Variants in KCNMB2 observed in about 807,000 individuals in gnomAD.
The protein encoded by KCNMB2 is potassium calcium-activated channel subfamily M regulatory beta subunit 2, also known as calcium-activated potassium channel subunit beta-2.
KCNMB2 carries 9 observed loss-of-function variants against 24.5 expected under a neutral mutation model. That is an observed-to-expected ratio of 0.37 (90% CI 0.22 to 0.64). KCNMB2 has a LOEUF of 0.64. Ranked by LOEUF, KCNMB2 falls within the 30% of genes least tolerant of loss-of-function variation. KCNMB2 has a pLI of 0.63. For synonymous variants in KCNMB2, 109 were observed against 104.4 expected (o/e 1.04, Z -0.27); for missense variants, 226 against 284.3 (o/e 0.79, Z 1.47).
intron 1 of KCNMB2, among the ~76,000 whole-genome samples, chr3:178,687,689 G>A (rs951149950): frequency 6.6e-6 from 1 of 152,030 alleles, no homozygotes; most frequent in African/African-American, 2.4e-5. Context: ...TGCTGCTTTT[G>A]TTCATGAGCA....
At chr3:178,812,753 A>G (rs1289538436) in intron 2 of KCNMB2, among the ~76,000 whole-genome samples, 1 of 152,090 alleles carries the variant, frequency 6.6e-6, no homozygotes, top group Non-Finnish European at 1.5e-5. Context: ...ACATTTCCAT[A>G]TATACATGGA....
At chr3:178,672,835 T>G (rs1365618170) in intron 1 of KCNMB2, among the ~76,000 whole-genome samples, 1 of 152,140 alleles carries the variant, frequency 6.6e-6, no homozygotes, top group African/African-American at 2.4e-5. Flanking sequence ...AGTGATATTG[T>G]CCATCTTCCT....
At chr3:178,808,390 C>T (rs997085505) in intron 2 of KCNMB2, among the ~76,000 whole-genome samples, 4 of 151,990 alleles carry the variant, frequency 2.6e-5, no homozygotes, top group Non-Finnish European at 5.9e-5. Context: ...TGATAGAAGT[C>T]AGGATTGATT....
intron 1 of KCNMB2, among the ~76,000 whole-genome samples, chr3:178,794,980 A>G (rs750707946): frequency 2.4e-4 from 36 of 152,172 alleles, no homozygotes; most frequent in Non-Finnish European, 4.4e-4. Flanking sequence ...AACAGTTGCA[A>G]AAATGACAAG....
chr3:178,751,159 T>C (rs1051835173), intron 1 of KCNMB2, among the ~76,000 whole-genome samples: 11 of 152,222 alleles, frequency 7.2e-5, no homozygotes, highest in African/African-American at 1.7e-4. Flanking sequence ...ATTGATGTTA[T>C]GTTTCAGGCA....
intron 1 of KCNMB2, among the ~76,000 whole-genome samples, chr3:178,611,788 C>T (rs1718493963): frequency 6.6e-6 from 1 of 152,054 alleles, no homozygotes; most frequent in African/African-American, 2.4e-5. Context: ...TATTTTTATA[C>T]TAATTATGGG....
intron 1 of KCNMB2, among the ~76,000 whole-genome samples, chr3:178,601,887 A>C: frequency 6.6e-6 from 1 of 152,206 alleles, no homozygotes; most frequent in East Asian, 1.9e-4. Flanking sequence ...TTATGCAAAT[A>C]CCTGGCCAGG....
intron 1 of KCNMB2, among the ~76,000 whole-genome samples, chr3:178,635,100 G>C (rs1719470115): frequency 6.6e-6 from 1 of 152,114 alleles, no homozygotes; most frequent in African/African-American, 2.4e-5. Flanking sequence ...CCGCAGACAA[G>C]GTAGTGCTTC....
chr3:178,717,750 T>G (rs1004599687), intron 1 of KCNMB2, among the ~76,000 whole-genome samples: 1 of 152,192 alleles, frequency 6.6e-6, no homozygotes, highest in African/African-American at 2.4e-5. Context: ...GGCACTCTAC[T>G]AGAGTAGTCT....
chr3:178,757,314 A>ATTCT (rs1560004886), intron 1 of KCNMB2, among the ~76,000 whole-genome samples: 1 of 115,918 alleles, frequency 8.6e-6, no homozygotes, highest in African/African-American at 3.3e-5. Context: ...ATATCCATCC[A>ATTCT]AGAGGACATA....
intron 1 of KCNMB2, among the ~76,000 whole-genome samples, chr3:178,782,820 CT>C (rs1254705556): frequency 2.5e-4 from 38 of 151,420 alleles, no homozygotes; most frequent in Non-Finnish European, 4.6e-4. Flanking sequence ...TCAATTTTGG[CT>C]TTTGTTGCCA....
At chr3:178,824,083 C>A (rs1248459310) in intron 2 of KCNMB2, among the ~76,000 whole-genome samples, 1 of 152,138 alleles carries the variant, frequency 6.6e-6, no homozygotes, top group Non-Finnish European at 1.5e-5. Context: ...TGGTCACAGG[C>A]CTTGCAGGAA....
chr3:178,633,601 C>CACCTGT (rs903046536), intron 1 of KCNMB2, among the ~76,000 whole-genome samples: 7 of 152,278 alleles, frequency 4.6e-5, no homozygotes, highest in African/African-American at 1.7e-4. Context: ...GGTGGGTGGG[C>CACCTGT]ACCTGTACCT....
intron 1 of KCNMB2, among the ~76,000 whole-genome samples, chr3:178,760,434 GAT>G (rs1375105623): frequency 3.8e-5 from 5 of 132,450 alleles, no homozygotes; most frequent in African/African-American, 5.8e-5. Context: ...CCATATCCAA[GAT>G]ATATATATTA....
Position 178,655,610 on chromosome 3 carries a change from C to T in KCNMB2, c.-68+118899C>T, listed in dbSNP as rs78154308. Among the ~76,000 whole-genome samples, 1,218 of 152,224 alleles carry T rather than the reference C, an allele frequency of 8.0e-3. 17 individuals carry two copies. The highest frequency in any genetic ancestry group is 0.02 in the Middle Eastern group (6 of 294). On this transcript the variant is annotated intron_variant, in intron 1 of 4. Transcript: ENST00000452583. ...ATTCTCCAAAAACGACAAAACAAAA[C>T]GGAGAGAAAATGCAAGGAAAGAGTT...
intron 1 of KCNMB2, among the ~76,000 whole-genome samples, chr3:178,703,008 T>C (rs1722154917): frequency 1.3e-5 from 2 of 152,124 alleles, no homozygotes; most frequent in East Asian, 1.9e-4. Context: ...GGATGAAGAT[T>C]AGTTATGTAG....
intron 1 of KCNMB2, among the ~76,000 whole-genome samples, chr3:178,557,389 G>C (rs1716161536): frequency 6.6e-6 from 1 of 152,164 alleles, no homozygotes; most frequent in African/African-American, 2.4e-5. Flanking sequence ...GAAACATTTA[G>C]AAAGACTTTG....
At chr3:178,651,734 T>C (rs1342995962) in intron 1 of KCNMB2, among the ~76,000 whole-genome samples, 1 of 151,986 alleles carries the variant, frequency 6.6e-6, no homozygotes, top group Non-Finnish European at 1.5e-5. Flanking sequence ...AATAGAACAA[T>C]GGAAAAGAAC....
intron 4 of KCNMB2, among the ~76,000 whole-genome samples, chr3:178,841,780 G>A (rs1715437658): frequency 6.6e-6 from 1 of 152,088 alleles, no homozygotes; most frequent in Non-Finnish European, 1.5e-5. Flanking sequence ...CTGATACATG[G>A]TATTACAATT....
Sources: gnomAD v4.1 joint callset for allele counts (sites outside exome capture counted in the v4.1 genomes callset) on GRCh38, gnomAD v4.1.1 for gene constraint, MANE v1.5 for transcripts, NCBI Gene and HGNC (gene_info 2026-07-23, HGNC 2026-07-21) for gene names.